RREB1: variants seen among roughly 807,000 people sequenced by gnomAD.
The protein encoded by RREB1 is ras responsive element binding protein 1, also known as ras-responsive element-binding protein 1.
A neutral mutation model predicts 117.8 loss-of-function variants in RREB1; 27 were observed. The observed-to-expected ratio is 0.23, with a 90% CI of 0.17 to 0.32. The LOEUF is 0.32. RREB1 is among the 10% of genes least tolerant of loss of function. The pLI is 1.00. For synonymous variants in RREB1, 1,298 were observed against 1,026.7 expected, an observed-to-expected ratio of 1.26 and a Z score of -5.05; for missense variants, 2,577 against 2,378.2, an observed-to-expected ratio of 1.08 and a Z score of -1.74.
chr6:7,138,109 T>C (rs532997453), intron 1 of RREB1, among the ~76,000 whole-genome samples: 1 of 152,284 alleles, frequency 6.6e-6, no homozygotes, highest in Non-Finnish European at 1.5e-5. Context: ...AACTCAAGGA[T>C]GTTAAAGACC....
intron 1 of RREB1, among the ~76,000 whole-genome samples, chr6:7,129,181 C>T (rs1270094182): frequency 9.9e-5 from 15 of 152,126 alleles, no homozygotes; most frequent in Non-Finnish European, 5.9e-5. Context: ...CACAGAAGCT[C>T]GCAGGAGTGG....
At chr6:7,173,306 C>G (rs1393915705) in intron 1 of RREB1, among the ~76,000 whole-genome samples, 1 of 151,942 alleles carries the variant, frequency 6.6e-6, no homozygotes, top group African/African-American at 2.4e-5. Context: ...CACCTTAGGT[C>G]AGGAGTTCGA....
chr6:7,125,593 T>C (rs954221504), intron 1 of RREB1, among the ~76,000 whole-genome samples: 3 of 152,200 alleles, frequency 2.0e-5, no homozygotes, highest in East Asian at 1.9e-4. Flanking sequence ...TAGTTTTGCA[T>C]TGGGTAGGGC....
intron 1 of RREB1, among the ~76,000 whole-genome samples, chr6:7,174,018 G>A (rs1764370771): frequency 6.6e-6 from 1 of 152,144 alleles, no homozygotes; most frequent in South Asian, 2.1e-4. Context: ...TAGTCCTCCT[G>A]CCTCCGTTGA....
At chr6:7,177,469 C>T (rs1203172786) in intron 2 of RREB1, among the ~76,000 whole-genome samples, 1 of 151,684 alleles carries the variant, frequency 6.6e-6, no homozygotes, top group African/African-American at 2.4e-5. Context: ...ATATCTATGA[C>T]TTGGGAACTT....
intron 11 of RREB1, among the ~76,000 whole-genome samples, chr6:7,244,711 A>G (rs1768905849): frequency 1.3e-5 from 2 of 152,226 alleles, no homozygotes; most frequent in African/African-American, 4.8e-5. Flanking sequence ...AAGTGCAGTC[A>G]GTGTAAAACT....
Position 7,247,115 on chromosome 6 carries a change from C to G in RREB1, c.4665C>G (p.Pro1555=), listed in dbSNP as rs1769132605. Reference sequence around the variant, plus strand: ...ACAAGAAACCAAAGACAGACTCCCCCAAAAGCGTGGCCAGCAAGGCAGACA... The same window carrying G: ...ACAAGAAACCAAAGACAGACTCCCCGAAAAGCGTGGCCAGCAAGGCAGACA... ...DDDKKPKTDS[P]KSVASKADKR... Residue 1555 remains proline (P), a synonymous_variant, in exon 12 of 13, where the codon CCC becomes CCG. Coordinates refer to ENST00000379938, the MANE Select transcript of RREB1 (RefSeq NM_001003699.4). 1.9e-6 allele frequency: 3 copies of G among 1,613,876 alleles called. No homozygotes were observed. The highest frequency in any genetic ancestry group is 1.7e-5 in the Admixed American group (1 of 60,032).
intron 11 of RREB1, 33 bp downstream of exon 11, chr6:7,240,635 G>A: frequency 1.3e-6 from 2 of 1,588,486 alleles, no homozygotes; most frequent in Non-Finnish European, 1.7e-6. Context: ...AACCCAGGAA[G>A]AGGGAGAGAG....
intron 2 of RREB1, among the ~76,000 whole-genome samples, chr6:7,179,643 A>G (rs1182382259): frequency 6.6e-6 from 1 of 152,240 alleles, no homozygotes; most frequent in African/African-American, 2.4e-5. Flanking sequence ...CAAAAATTCT[A>G]GGGACTGATG....
In RREB1 at chr6:7,248,945, T is replaced by C; in HGVS notation, c.5206T>C (p.Ser1736Pro). The C allele has an allele frequency of 1.3e-6, 2 of 1,493,642 alleles. No individual in the cohort carries two copies. The highest frequency in any genetic ancestry group is 8.9e-7 in the Non-Finnish European group (1 of 1,124,092). 92.5% of individuals were successfully genotyped at this position (1,493,642 alleles called of 1,614,324 possible). The part of the protein sequence containing the change: ...HPILATADGA[S>P]QLVGME ...AATCCTGGCCACAGCTGATGGCGCC[T>C]CCCAGCTCGTGGGGATGGAGTGACA... The change falls in exon 13 of 13, where the codon TCC becomes CCC. Residue 1736 changes from serine (S) to proline (P), a missense_variant. Transcript: ENST00000379938.
intron 1 of RREB1, among the ~76,000 whole-genome samples, chr6:7,148,163 C>T (rs780928669): frequency 2.5e-4 from 38 of 152,120 alleles, no homozygotes; most frequent in Non-Finnish European, 4.9e-4. Context: ...TTAGGAAGTC[C>T]TGGTACTAAC....
chr6:7,136,441 A>T (rs1762352119), intron 1 of RREB1, among the ~76,000 whole-genome samples: 1 of 152,138 alleles, frequency 6.6e-6, no homozygotes, highest in African/African-American at 2.4e-5. Flanking sequence ...GATGTTATTT[A>T]TTTATTTATT....
At chr6:7,158,540 A>G (rs1220818995) in intron 1 of RREB1, among the ~76,000 whole-genome samples, 3 of 152,082 alleles carry the variant, frequency 2.0e-5, no homozygotes, top group Non-Finnish European at 4.4e-5. Flanking sequence ...CTTCCTGGGT[A>G]TCAGCTCCCT....
chr6:7,206,828 C>T (rs1377606996), intron 6 of RREB1, among the ~76,000 whole-genome samples: 1 of 151,920 alleles, frequency 6.6e-6, no homozygotes, highest in African/African-American at 2.4e-5. Context: ...CAGCAAGCAT[C>T]TTGAGTCCCA....
At chr6:7,114,391 G>A (rs1761286320) in intron 1 of RREB1, among the ~76,000 whole-genome samples, 1 of 151,538 alleles carries the variant, frequency 6.6e-6, no homozygotes. Flanking sequence ...ACTCTTTGAA[G>A]AAGTGGTTCT....
chr6:7,118,805 T>C (rs1274783200), intron 1 of RREB1, among the ~76,000 whole-genome samples: 1 of 28,028 alleles, frequency 3.6e-5, no homozygotes, highest in Non-Finnish European at 1.5e-4. Flanking sequence ...TTTTTAATTT[T>C]TTTTTTTTTT....
At chr6:7,200,186 ATG>A (rs957666749) in intron 6 of RREB1, among the ~76,000 whole-genome samples, 1 of 148,668 alleles carries the variant, frequency 6.7e-6, no homozygotes, top group African/African-American at 2.5e-5. Context: ...TTTTATATAT[ATG>A]TGTGTGTGTA....
intron 1 of RREB1, among the ~76,000 whole-genome samples, chr6:7,165,064 G>C (rs556488014): frequency 6.6e-6 from 1 of 152,204 alleles, no homozygotes; most frequent in African/African-American, 2.4e-5. Flanking sequence ...TTCTCTTCTC[G>C]GAAGCATTGG....
At position 7,202,766 on chromosome 6, in the gene RREB1, C is replaced by T. The variant is rs1282237745; in HGVS notation, c.426-8038C>T. ...GCAGCTGCCCTGAGGTATCTAAGGCCTGTCCGTGGGAAATGAGAGCCTTCC... is the reference window on the plus strand; with the variant it reads ...GCAGCTGCCCTGAGGTATCTAAGGCTTGTCCGTGGGAAATGAGAGCCTTCC... On this transcript the variant is annotated intron_variant, in intron 6 of 12. Coordinates refer to ENST00000379938, the MANE Select transcript of RREB1 (RefSeq NM_001003699.4). Among the ~76,000 whole-genome samples, 3 of 152,124 alleles carry T rather than the reference C, an allele frequency of 2.0e-5. No homozygotes were observed. In the East Asian group the frequency reaches 5.8e-4, roughly 29 times the overall value.
Sources: gnomAD v4.1 joint callset for allele counts (sites outside exome capture counted in the v4.1 genomes callset) on GRCh38, gnomAD v4.1.1 for gene constraint, MANE v1.5 for transcripts, NCBI Gene and HGNC (gene_info 2026-07-23, HGNC 2026-07-21) for gene names.